Variants in USP32 observed in about 807,000 individuals in gnomAD.
USP32 encodes ubiquitin carboxyl-terminal hydrolase 32.
Under a neutral mutation model 204.8 loss-of-function variants are expected in USP32, and 59 were observed. The ratio of observed to expected loss-of-function variants is 0.29; its 90% CI spans 0.23 to 0.36. USP32 has a LOEUF of 0.36. Among genes scored for constraint, USP32 ranks in the 10% least tolerant of loss-of-function variants. The pLI, the probability that USP32 is intolerant of heterozygous loss-of-function variation, is 1.00. For missense variants in USP32, 1,160 were observed against 1,946.4 expected (o/e 0.60, Z 7.60); for synonymous variants, 517 against 678.4 (o/e 0.76, Z 3.70).
At chr17:60,297,133 C>T (rs1455072807) in intron 3 of USP32, among the ~76,000 whole-genome samples, 1 of 152,164 alleles carries the variant, frequency 6.6e-6, no homozygotes, top group Non-Finnish European at 1.5e-5. Context: ...TATGGTGGCT[C>T]ATATTGGTAA....
chr17:60,388,173 GCTA>G lies in USP32; in HGVS notation c.58+3706_58+3708del, dbSNP rs2089764755. Among the ~76,000 whole-genome samples, 3 of 152,158 alleles carry G rather than the reference GCTA, an allele frequency of 2.0e-5. No homozygotes were observed. The South Asian group carries it at 6.2e-4, about 32-fold the overall frequency. ...TTGACACACTATAGTTCATCACTCA[GCTA>G]CTAAGAGCAATATAAATGCCAGATT... On this transcript the variant is annotated intron_variant, in intron 1 of 33. Transcript: ENST00000300896.
intron 2 of USP32, among the ~76,000 whole-genome samples, chr17:60,304,203 CA>C (rs2087663497): frequency 6.6e-6 from 1 of 151,088 alleles, no homozygotes. Context: ...AAAAAAAACC[CA>C]AAAATTATAG....
chr17:60,240,604 T>C (rs1455257044), intron 11 of USP32, among the ~76,000 whole-genome samples: 1 of 152,126 alleles, frequency 6.6e-6, no homozygotes, highest in Non-Finnish European at 1.5e-5. Context: ...AACTATGCCT[T>C]AGCCTTCACT....
At chr17:60,264,876 AAAAAAAG>A (rs1429009634) in intron 9 of USP32, among the ~76,000 whole-genome samples, 3 of 151,164 alleles carry the variant, frequency 2.0e-5, no homozygotes, top group East Asian at 1.9e-4. Flanking sequence ...AAAAAAAAAA[AAAAAAAG>A]AGAGAGAGAA....
At chr17:60,321,279 A>G (rs866358415) in intron 2 of USP32, among the ~76,000 whole-genome samples, 40 of 152,300 alleles carry the variant, frequency 2.6e-4, no homozygotes, top group African/African-American at 8.2e-4. Flanking sequence ...TGGTACACAT[A>G]TGGGACAGAT....
chr17:60,295,507 A>T (rs915027266), intron 3 of USP32, among the ~76,000 whole-genome samples: 2 of 152,248 alleles, frequency 1.3e-5, no homozygotes, highest in Non-Finnish European at 2.9e-5. Context: ...TGAACAATTC[A>T]TAAACTTTAA....
At chr17:60,260,888 T>G (rs1019548316) in intron 9 of USP32, among the ~76,000 whole-genome samples, 1 of 152,092 alleles carries the variant, frequency 6.6e-6, no homozygotes, top group African/African-American at 2.4e-5. Flanking sequence ...AAATTTTAAT[T>G]CTTAAAACAA....
At chr17:60,417,563 C>A (rs2090072040) in intron 1 of USP32, among the ~76,000 whole-genome samples, 1 of 151,166 alleles carries the variant, frequency 6.6e-6, no homozygotes, top group African/African-American at 2.4e-5. Flanking sequence ...AAGCGTTTCT[C>A]CTGCCTCAGC....
chr17:60,409,837 T>TA (rs889227590), intron 1 of USP32, among the ~76,000 whole-genome samples: 10 of 152,040 alleles, frequency 6.6e-5, no homozygotes, highest in Admixed American at 1.3e-4. Flanking sequence ...CTCATAAGCT[T>TA]AAAAAAATCA....
chr17:60,207,426 T>C (rs1410492228), intron 24 of USP32, among the ~76,000 whole-genome samples: 1 of 152,064 alleles, frequency 6.6e-6, no homozygotes, highest in Non-Finnish European at 1.5e-5. Flanking sequence ...ACTCCATTTT[T>C]GCATTTCATA....
chr17:60,210,375 G>A (rs1296353741), intron 21 of USP32, among the ~76,000 whole-genome samples: 4 of 151,532 alleles, frequency 2.6e-5, no homozygotes, highest in African/African-American at 4.9e-5. Flanking sequence ...ACAGTGGTGC[G>A]ATCTTGGCTC....
chr17:60,199,052 G>A (rs972051898), intron 26 of USP32, among the ~76,000 whole-genome samples: 3 of 151,998 alleles, frequency 2.0e-5, no homozygotes, highest in South Asian at 4.2e-4. Flanking sequence ...GCAAGTTGAG[G>A]GTACAGTGAG....
At chr17:60,222,840 C>T (rs1419250129) in intron 14 of USP32, among the ~76,000 whole-genome samples, 1 of 151,822 alleles carries the variant, frequency 6.6e-6, no homozygotes, top group Non-Finnish European at 1.5e-5. Context: ...CGTCACCATG[C>T]CCGGCTAATT....
chr17:60,296,598 G>C (rs1567836012), intron 3 of USP32, among the ~76,000 whole-genome samples: 2 of 152,266 alleles, frequency 1.3e-5, no homozygotes, highest in Middle Eastern at 3.4e-3. Flanking sequence ...GTTGTTCTAA[G>C]CTACCCAGTT....
intron 2 of USP32, among the ~76,000 whole-genome samples, chr17:60,308,074 C>T (rs8079327): frequency 0.044 from 6,756 of 152,252 alleles, 537 homozygotes; most frequent in African/African-American, 0.15. Flanking sequence ...CCCCTTCTGG[C>T]TCACCGTCCA....
intron 26 of USP32, 125 bp from the exon 27 acceptor site, chr17:60,198,569 T>C: frequency 8.5e-7 from 1 of 1,182,110 alleles, no homozygotes; most frequent in Middle Eastern, 2.0e-4. Flanking sequence ...TATCACATTC[T>C]TCTCTGTATT....
At position 60,287,836 on chromosome 17, in the gene USP32, G is replaced by A. The variant is rs376427251; in HGVS notation, c.571+687C>T. On this transcript the variant is annotated intron_variant, in intron 5 of 33. Coordinates refer to ENST00000300896, the MANE Select transcript of USP32 (RefSeq NM_032582.4). ...TGACAAAAAAAAAATTTCTCAGGCC[G>A]GGCATGGTGGCTCACGCCTATAATT... is the stretch of plus-strand genomic sequence containing the variant. Among the ~76,000 whole-genome samples the A allele has an allele frequency of 1.8e-4, 27 of 152,150 alleles. 2 individuals carry two copies. In the South Asian group the frequency reaches 5.4e-3, roughly 30 times the overall value.
chr17:60,377,131 A>C (rs1043619981), intron 1 of USP32, among the ~76,000 whole-genome samples: 1 of 152,082 alleles, frequency 6.6e-6, no homozygotes, highest in African/African-American at 2.4e-5. Context: ...TTAAGATAGG[A>C]TATCTTCTGA....
At chr17:60,364,793 A>G (rs1444044681) in intron 1 of USP32, among the ~76,000 whole-genome samples, 1 of 152,228 alleles carries the variant, frequency 6.6e-6, no homozygotes, top group East Asian at 1.9e-4. Context: ...TTTATCCATA[A>G]TTTATCCATA....
Sources: gnomAD v4.1 joint callset for allele counts (sites outside exome capture counted in the v4.1 genomes callset) on GRCh38, gnomAD v4.1.1 for gene constraint, MANE v1.5 for transcripts, NCBI Gene and HGNC (gene_info 2026-07-23, HGNC 2026-07-21) for gene names.